Variants in DIS3L2 observed in about 807,000 individuals in gnomAD.
DIS3L2 encodes DIS3-like exonuclease 2.
DIS3L2 carries 34 observed loss-of-function variants against 97.5 expected under a neutral mutation model. The observed-to-expected ratio is 0.35, with a 90% confidence interval of 0.27 to 0.46. The LOEUF is 0.46. DIS3L2 is among the 20% of genes least tolerant of loss of function. The probability of loss-of-function intolerance (pLI) is 1.00; values close to 1 mark genes in which losing one functional copy is unlikely to be tolerated. For missense variants in DIS3L2, 1,038 were observed against 1,146.0 expected (o/e 0.91, Z 1.36); for synonymous variants, 435 against 445.2 (o/e 0.98, Z 0.29).
chr2:232,116,648 T>G (rs2106337436), intron 6 of DIS3L2, among the ~76,000 whole-genome samples: 1 of 152,044 alleles, frequency 6.6e-6, no homozygotes, highest in South Asian at 2.1e-4. Context: ...TATTGAAGAG[T>G]CTAGCCAAGC....
chr2:232,109,954 T>C (rs957005510), intron 6 of DIS3L2, among the ~76,000 whole-genome samples: 4 of 152,152 alleles, frequency 2.6e-5, no homozygotes, highest in Non-Finnish European at 2.9e-5. Context: ...TTGCAAACTA[T>C]CCATCTGACA....
At chr2:232,327,764 G>A (rs1309725889) in intron 14 of DIS3L2, among the ~76,000 whole-genome samples, 1 of 152,202 alleles carries the variant, frequency 6.6e-6, no homozygotes, top group Non-Finnish European at 1.5e-5. Flanking sequence ...AGGGCATATT[G>A]AGGAGACCCC....
chr2:232,202,372 T>G (rs1240481100), intron 9 of DIS3L2, among the ~76,000 whole-genome samples: 2 of 152,032 alleles, frequency 1.3e-5, no homozygotes, highest in South Asian at 4.2e-4. Context: ...CACTCCAGCC[T>G]GGCGACAGAG....
intron 5 of DIS3L2, among the ~76,000 whole-genome samples, chr2:232,038,360 A>C (rs1695012671): frequency 6.6e-6 from 1 of 152,182 alleles, no homozygotes; most frequent in Admixed American, 6.5e-5. Context: ...AGAGTGGTAG[A>C]ATAGGGAGAA....
At chr2:232,091,506 T>C (rs778984191) in intron 6 of DIS3L2, among the ~76,000 whole-genome samples, 4 of 152,230 alleles carry the variant, frequency 2.6e-5, no homozygotes, top group Non-Finnish European at 5.9e-5. Flanking sequence ...AATGGCTGAA[T>C]AGCACTCCAT....
rs1012672970 is a variant in DIS3L2, at chr2:232,183,933, G to T, written c.1124+20301G>T. Among the ~76,000 whole-genome samples the T allele has an allele frequency of 2.0e-5, 3 of 152,142 alleles. No homozygotes were observed. The South Asian group carries it at 6.2e-4, about 32-fold the overall frequency. ...TTCTTGCCACTCCAGTGACTGCTAG[G>T]CCACTGGTTTTCACCACGATTACAA... On this transcript the variant is annotated intron_variant, in intron 9 of 20. Coordinates refer to ENST00000325385, the MANE Select transcript of DIS3L2 (RefSeq NM_152383.5).
At chr2:232,101,150 T>C (rs535680399) in intron 6 of DIS3L2, among the ~76,000 whole-genome samples, 3 of 151,644 alleles carry the variant, frequency 2.0e-5, no homozygotes, top group Admixed American at 2.0e-4. Context: ...GAGAATCACT[T>C]GAACCCGGGA....
At chr2:232,131,331 G>A (rs1485362845) in intron 7 of DIS3L2, 2 of 151,636 alleles carry the variant, frequency 1.3e-5, no homozygotes, top group Non-Finnish European at 2.9e-5. Context: ...CACTGTTGTT[G>A]CCCAGGCTGG....
chr2:232,115,205 A>G (rs1574886292), intron 6 of DIS3L2, among the ~76,000 whole-genome samples: 1 of 152,272 alleles, frequency 6.6e-6, no homozygotes, highest in Non-Finnish European at 1.5e-5. Flanking sequence ...CAAATATTCA[A>G]ACCATAGCAG....
downstream of DIS3L2, among the ~76,000 whole-genome samples, chr2:232,339,400 G>C (rs1696058920): frequency 6.6e-6 from 1 of 152,200 alleles, no homozygotes. Context: ...AGGCAGGAGG[G>C]GCTGTGATTG....
chr2:232,091,806 C>T (rs934955157), intron 6 of DIS3L2, among the ~76,000 whole-genome samples: 1 of 152,186 alleles, frequency 6.6e-6, no homozygotes, highest in African/African-American at 2.4e-5. Flanking sequence ...TCCTCACCAA[C>T]ATTTGTTATT....
At chr2:232,326,113 T>G (rs1404616357) in intron 14 of DIS3L2, among the ~76,000 whole-genome samples, 1 of 152,110 alleles carries the variant, frequency 6.6e-6, no homozygotes, top group Non-Finnish European at 1.5e-5. Flanking sequence ...GACCGGGTCA[T>G]CTCTGGCCCT....
chr2:232,058,656 T>C (rs2106272524), intron 5 of DIS3L2, among the ~76,000 whole-genome samples: 1 of 152,336 alleles, frequency 6.6e-6, no homozygotes, highest in South Asian at 2.1e-4. Flanking sequence ...TCATACTGCT[T>C]TACAGCCTTC....
rs946623870 is a variant in DIS3L2, at chr2:232,133,510, A to G, written c.702+2791A>G. On this transcript the variant is annotated intron_variant, in intron 7 of 20. Coordinates refer to ENST00000325385, the MANE Select transcript of DIS3L2 (RefSeq NM_152383.5). ...TCCAGGATACAATTGGAAACCACCA[A>G]TCATATCAAGAACCAGGAAGATCAC... Among the ~76,000 whole-genome samples the G allele has an allele frequency of 6.6e-5, 10 of 152,232 alleles. 1 individual carries two copies. The highest frequency in any genetic ancestry group is 2.4e-4 in the African/African-American group (10 of 41,458).
At chr2:232,252,220 C>T (rs1038281094) in intron 12 of DIS3L2, among the ~76,000 whole-genome samples, 1 of 152,108 alleles carries the variant, frequency 6.6e-6, no homozygotes, top group African/African-American at 2.4e-5. Context: ...CCAGCCTGGC[C>T]AACATGGTGA....
intron 1 of DIS3L2, among the ~76,000 whole-genome samples, chr2:231,982,456 T>C (rs937087002): frequency 1.3e-5 from 2 of 152,224 alleles, no homozygotes; most frequent in Admixed American, 6.5e-5. Context: ...CTTTCTGCAG[T>C]TAAATCTTTC....
intron 11 of DIS3L2, among the ~76,000 whole-genome samples, chr2:232,240,139 T>G (rs534473779): frequency 6.6e-6 from 1 of 152,358 alleles, no homozygotes; most frequent in Admixed American, 6.5e-5. Flanking sequence ...CATAGCCGCC[T>G]TCAATATGTG....
At chr2:232,245,236 A>T (rs1693216480) in intron 11 of DIS3L2, among the ~76,000 whole-genome samples, 1 of 152,228 alleles carries the variant, frequency 6.6e-6, no homozygotes, top group South Asian at 2.1e-4. Context: ...AGAGGCTCTC[A>T]GGAACCATCG....
intron 13 of DIS3L2, among the ~76,000 whole-genome samples, chr2:232,283,023 A>G (rs1433374273): frequency 6.6e-6 from 1 of 152,176 alleles, no homozygotes; most frequent in East Asian, 1.9e-4. Context: ...TTCCTTAATC[A>G]TCTGTGACCA....
Sources: gnomAD v4.1 joint callset for allele counts (sites outside exome capture counted in the v4.1 genomes callset) on GRCh38, gnomAD v4.1.1 for gene constraint, MANE v1.5 for transcripts, NCBI Gene and HGNC (gene_info 2026-07-23, HGNC 2026-07-21) for gene names.